The following PLB1 variants were observed in gnomAD, a reference collection of about 807,000 sequenced individuals.
PLB1 encodes the protein phospholipase B1.
A neutral mutation model predicts 227.4 loss-of-function variants in PLB1; 242 were observed. The observed-to-expected ratio is 1.06, with a 90% CI of 0.96 to 1.18. The LOEUF (loss-of-function observed/expected upper bound fraction) is 1.18, where lower values mean the gene tolerates loss of function less well. PLB1 is among the 50% of genes most tolerant of loss of function. The pLI, the probability that PLB1 is intolerant of heterozygous loss-of-function variation, is 0.00. For synonymous variants in PLB1, 757 were observed against 682.2 expected (o/e 1.11, Z -1.71); for missense variants, 1,858 against 1,816.3 (o/e 1.02, Z -0.42).
At chr2:28,606,270 A>G (rs1039601671) in intron 42 of PLB1, among the ~76,000 whole-genome samples, 1 of 152,198 alleles carries the variant, frequency 6.6e-6, no homozygotes. Flanking sequence ...AAGGCTCTGC[A>G]TATCCCTGCT....
chr2:28,496,600 G>A (rs933807700), intron 1 of PLB1, among the ~76,000 whole-genome samples: 2 of 152,092 alleles, frequency 1.3e-5, no homozygotes, highest in African/African-American at 2.4e-5. Flanking sequence ...TGTTTTTGAA[G>A]GACAAAGGAA....
chr2:28,605,359 A>G (rs1167787716), intron 41 of PLB1, among the ~76,000 whole-genome samples: 1 of 151,990 alleles, frequency 6.6e-6, no homozygotes, highest in Non-Finnish European at 1.5e-5. Context: ...CAGGAAGGAG[A>G]GCAGCTCTAT....
rs970927873 is a variant in PLB1, at chr2:28,582,594, G to T, written c.1733+89G>T. ...TAGCAAATTCCTTAGAAAACCCAAG[G>T]GCCGAAGTGTGAAAGGGCTGTGACC... On this transcript the variant is annotated intron_variant, in intron 25 of 57. Coordinates refer to ENST00000327757, the MANE Select transcript of PLB1 (RefSeq NM_153021.5). The T allele has an allele frequency of 4.8e-6, 5 of 1,034,916 alleles. No homozygotes were observed. In the Admixed American group the frequency reaches 1.1e-4, roughly 22 times the overall value. The allele number at this position is 1,034,916 out of a possible 1,614,324, so 64.1% of individuals were successfully genotyped here. A position where few individuals can be genotyped will look rare whatever the true frequency, so the allele number is the denominator to read the frequency against.
intron 47 of PLB1, 113 bp downstream of exon 47, chr2:28,620,445 T>G (rs1370457789): frequency 1.5e-6 from 2 of 1,354,642 alleles, no homozygotes; most frequent in African/African-American, 2.9e-5. Context: ...GTCCCAGCGC[T>G]GAGACAGGAG....
At chr2:28,532,643 C>T (rs1162014172) in intron 9 of PLB1, among the ~76,000 whole-genome samples, 2 of 152,164 alleles carry the variant, frequency 1.3e-5, no homozygotes, top group Admixed American at 1.3e-4. Flanking sequence ...CATTCCGCAA[C>T]TGAGAAAATT....
intron 56 of PLB1, among the ~76,000 whole-genome samples, chr2:28,637,176 C>G (rs910533584): frequency 6.6e-6 from 1 of 151,854 alleles, no homozygotes; most frequent in Non-Finnish European, 1.5e-5. Flanking sequence ...GCCTATAATT[C>G]CAGCTACTTG....
intron 44 of PLB1, among the ~76,000 whole-genome samples, chr2:28,615,686 A>C (rs746824302): frequency 2.8e-4 from 42 of 152,314 alleles, no homozygotes; most frequent in Non-Finnish European, 5.1e-4. Flanking sequence ...TGAATCAGGC[A>C]TTTCTTCATT....
chr2:28,543,170 T>C (rs1672744068), intron 13 of PLB1, 42 bp from the exon 14 acceptor site: 1 of 1,576,510 alleles, frequency 6.3e-7, no homozygotes, highest in African/African-American at 1.3e-5. Context: ...GTTGCATTCC[T>C]GGGGAGACAA....
intron 56 of PLB1, among the ~76,000 whole-genome samples, chr2:28,636,075 G>C (rs953953540): frequency 1.3e-5 from 2 of 151,274 alleles, no homozygotes; most frequent in South Asian, 2.1e-4. Flanking sequence ...ATGTATGTAT[G>C]TATGACAGAG....
intron 21 of PLB1, 96 bp from the exon 22 acceptor site, chr2:28,578,011 G>T: frequency 8.0e-7 from 1 of 1,248,772 alleles, no homozygotes; most frequent in South Asian, 1.2e-5. Flanking sequence ...CCCACCCTGG[G>T]CCTTCCTCCA....
At chr2:28,624,733 G>A (rs1188262016) in intron 49 of PLB1, among the ~76,000 whole-genome samples, 3 of 152,234 alleles carry the variant, frequency 2.0e-5, no homozygotes, top group South Asian at 2.1e-4. Flanking sequence ...TTTAAAACAG[G>A]CAACTGAAGA....
Position 28,509,225 on chromosome 2 carries a change from A to ATG in PLB1, c.56-7583_56-7582insTG, listed in dbSNP as rs1667965720. Among the ~76,000 whole-genome samples, 5 of 152,308 alleles carry ATG rather than the reference A, an allele frequency of 3.3e-5. No individual in the cohort carries two copies. The East Asian group carries it at 9.6e-4, about 29-fold the overall frequency. Reference sequence around the variant, plus strand: ...ATCAAGGAAATCCATAAATTAAGAGAGCATGCCCTGCTTTAATTTTGCTTT... The same window carrying ATG: ...ATCAAGGAAATCCATAAATTAAGAGATGGCATGCCCTGCTTTAATTTTGCTTT... On this transcript the variant is annotated intron_variant, in intron 1 of 57. Coordinates refer to ENST00000327757, the MANE Select transcript of PLB1 (RefSeq NM_153021.5).
chr2:28,638,339 A>G (rs6738639), intron 56 of PLB1, among the ~76,000 whole-genome samples: 36,596 of 151,926 alleles, frequency 0.24, 4,738 homozygotes, highest in East Asian at 0.31. Context: ...AGAGTCAGGA[A>G]TGAGCTTGAA....
intron 25 of PLB1, among the ~76,000 whole-genome samples, chr2:28,584,500 G>C (rs1430265652): frequency 6.6e-6 from 1 of 152,220 alleles, no homozygotes; most frequent in African/African-American, 2.4e-5. Context: ...TTTCAGAGCA[G>C]TTTACCAGAA....
At chr2:28,533,763 A>G (rs1671324054) in intron 9 of PLB1, among the ~76,000 whole-genome samples, 1 of 152,226 alleles carries the variant, frequency 6.6e-6, no homozygotes, top group African/African-American at 2.4e-5. Context: ...ATTTTTCCAT[A>G]TACTTCATCT....
In PLB1 at chr2:28,609,773, G is replaced by A. The variant is rs535172786; in HGVS notation, c.3129+3206G>A. Among the ~76,000 whole-genome samples, 66 of 152,248 alleles carry A rather than the reference G, an allele frequency of 4.3e-4. 1 individual carries two copies. The South Asian group carries it at 0.013, about 29-fold the overall frequency. ...CTGCCAACTTCATTAGGGTTTTCAA[G>A]CTCTACAGGCATGAAATGTCAGGGA... On this transcript the variant is annotated intron_variant, in intron 43 of 57. Transcript: ENST00000327757.
chr2:28,624,171 A>C (rs112995446), intron 49 of PLB1, among the ~76,000 whole-genome samples: 8,863 of 152,178 alleles, frequency 0.058, 842 homozygotes, highest in African/African-American at 0.2. Context: ...TTCATCACCC[A>C]CAGGAGTTTT....
At chr2:28,598,900 G>C in intron 35 of PLB1, 140 bp downstream of exon 35, 1 of 718,362 alleles carries the variant, frequency 1.4e-6, no homozygotes, top group Middle Eastern at 3.8e-4. Context: ...CTTCCCTGCT[G>C]CCCCTGTGAC....
intron 56 of PLB1, among the ~76,000 whole-genome samples, chr2:28,635,326 A>G (rs1689169946): frequency 6.6e-6 from 1 of 152,146 alleles, no homozygotes; most frequent in Admixed American, 6.6e-5. Flanking sequence ...CAAAAAATAA[A>G]TAATAGACCA....
Sources: gnomAD v4.1 joint callset for allele counts (sites outside exome capture counted in the v4.1 genomes callset) on GRCh38, gnomAD v4.1.1 for gene constraint, MANE v1.5 for transcripts, NCBI Gene and HGNC (gene_info 2026-07-23, HGNC 2026-07-21) for gene names.